The following GPR158 variants were observed in gnomAD, a reference collection of about 807,000 sequenced individuals.
GPR158 encodes the protein G protein-coupled receptor 158.
Under a neutral mutation model 78.2 loss-of-function variants are expected in GPR158, and 30 were observed. That is an observed-to-expected ratio of 0.38 (90% CI 0.29 to 0.52). The LOEUF (loss-of-function observed/expected upper bound fraction) is 0.52, where lower values mean the gene tolerates loss of function less well. Among genes scored for constraint, GPR158 ranks in the 20% least tolerant of loss-of-function variants. The pLI, the probability that GPR158 is intolerant of heterozygous loss-of-function variation, is 0.83. For missense variants in GPR158, 1,463 were observed against 1,523.5 expected, an observed-to-expected ratio of 0.96 and a Z score of 0.66; for synonymous variants, 581 against 591.1, an observed-to-expected ratio of 0.98 and a Z score of 0.25.
chr10:25,196,163 A>G (rs1044227240), intron 1 of GPR158, among the ~76,000 whole-genome samples: 3 of 151,966 alleles, frequency 2.0e-5, no homozygotes, highest in African/African-American at 4.8e-5. Flanking sequence ...TGTAACTCCT[A>G]CAGTTGAATA....
intron 2 of GPR158, among the ~76,000 whole-genome samples, chr10:25,263,296 T>C (rs1853993836): frequency 1.3e-5 from 2 of 152,210 alleles, no homozygotes; most frequent in Non-Finnish European, 2.9e-5. Context: ...CCTGCTTTTC[T>C]TTGTTGTATT....
rs1554793351 is a variant in GPR158 at position 25,317,716 on chromosome 10, G to GTTTTGTTTTTTT, written c.1009-78191_1009-78190insGTTTTTTTTTTT. 7.5e-4 allele frequency among the ~76,000 whole-genome samples: 101 copies of GTTTTGTTTTTTT among 134,044 alleles called. 5 individuals carry two copies. The highest frequency in any genetic ancestry group is 1.4e-3 in the African/African-American group (43 of 31,218). The allele number at this position is 134,044 out of a possible 152,430, so 87.9% of individuals were successfully genotyped here. A position where few individuals can be genotyped will look rare whatever the true frequency, so the allele number is the denominator to read the frequency against. ...TTAAATTCTGTTTTCTTCGTAAAGT[G>GTTTTGTTTTTTT]TTTTTTTTTGTTTTGTTTTGTTTTG... On this transcript the variant is annotated intron_variant, in intron 2 of 10. Transcript: ENST00000376351.
intron 2 of GPR158, among the ~76,000 whole-genome samples, chr10:25,325,560 A>G (rs1203552774): frequency 1.3e-5 from 2 of 152,166 alleles, no homozygotes; most frequent in Non-Finnish European, 2.9e-5. Flanking sequence ...GCTACTGTGA[A>G]TAATTCTGAA....
intron 7 of GPR158, among the ~76,000 whole-genome samples, chr10:25,578,581 T>C (rs4237374): frequency 0.22 from 33,103 of 152,194 alleles, 4,582 homozygotes; most frequent in Non-Finnish European, 0.31. Context: ...AATAGATTGG[T>C]ACAAATTTGC....
At chr10:25,313,183 A>G (rs1292916737) in intron 2 of GPR158, among the ~76,000 whole-genome samples, 1 of 144,864 alleles carries the variant, frequency 6.9e-6, no homozygotes, top group Non-Finnish European at 1.5e-5. Flanking sequence ...TGCCCACTAA[A>G]TAGGATGCTG....
chr10:25,270,747 A>G (rs957385504), intron 2 of GPR158, among the ~76,000 whole-genome samples: 1 of 152,014 alleles, frequency 6.6e-6, no homozygotes, highest in African/African-American at 2.4e-5. Flanking sequence ...ATCTCATACT[A>G]TTTTTGTCTA....
chr10:25,329,159 A>G (rs1410330280), intron 2 of GPR158, among the ~76,000 whole-genome samples: 3 of 151,716 alleles, frequency 2.0e-5, no homozygotes, highest in Non-Finnish European at 4.4e-5. Context: ...ATTTTAGGCC[A>G]GGCGCGGTGG....
chr10:25,334,357 T>C (rs944511650), intron 2 of GPR158, among the ~76,000 whole-genome samples: 2 of 152,098 alleles, frequency 1.3e-5, no homozygotes, highest in African/African-American at 4.8e-5. Flanking sequence ...ATTGAGAGCT[T>C]ATTCTGTTAT....
At chr10:25,309,792 T>C (rs1220560353) in intron 2 of GPR158, among the ~76,000 whole-genome samples, 2 of 152,162 alleles carry the variant, frequency 1.3e-5, no homozygotes, top group African/African-American at 2.4e-5. Flanking sequence ...CACTCTTTCT[T>C]TCCTGCCACC....
chr10:25,327,970 G>A (rs1250745253), intron 2 of GPR158, among the ~76,000 whole-genome samples: 1 of 152,096 alleles, frequency 6.6e-6, no homozygotes, highest in Admixed American at 6.6e-5. Flanking sequence ...TAACTTAATG[G>A]TTTGGTAGCT....
chr10:25,306,834 G>A (rs72794287), intron 2 of GPR158, among the ~76,000 whole-genome samples: 6,484 of 151,906 alleles, frequency 0.043, 149 homozygotes, highest in African/African-American at 0.052. Flanking sequence ...TTTTTCACCT[G>A]GTCTAATGAC....
chr10:25,299,735 C>A (rs1011801319), intron 2 of GPR158, among the ~76,000 whole-genome samples: 1 of 152,164 alleles, frequency 6.6e-6, no homozygotes, highest in Non-Finnish European at 1.5e-5. Flanking sequence ...TTCTTCAAAT[C>A]CTACTGATTT....
chr10:25,409,278 T>G (rs1250228811), intron 3 of GPR158, among the ~76,000 whole-genome samples: 3 of 152,230 alleles, frequency 2.0e-5, no homozygotes, highest in Non-Finnish European at 4.4e-5. Context: ...TCTGCATTTG[T>G]TTGTATGCTA....
At chr10:25,253,987 G>T (rs565312465) in intron 2 of GPR158, among the ~76,000 whole-genome samples, 17 of 152,254 alleles carry the variant, frequency 1.1e-4, no homozygotes, top group African/African-American at 3.8e-4. Flanking sequence ...AATTAGCATT[G>T]TTTAGTTTGC....
At chr10:25,365,891 CT>C (rs1488457445) in intron 2 of GPR158, among the ~76,000 whole-genome samples, 1 of 151,698 alleles carries the variant, frequency 6.6e-6, no homozygotes, top group Non-Finnish European at 1.5e-5. Context: ...ATCCTCCTCA[CT>C]GTTTCCCCAA....
At chr10:25,305,536 G>A (rs1854661347) in intron 2 of GPR158, among the ~76,000 whole-genome samples, 1 of 152,150 alleles carries the variant, frequency 6.6e-6, no homozygotes, top group South Asian at 2.1e-4. Flanking sequence ...TTTCATCCCA[G>A]TTTGGAAGTG....
intron 2 of GPR158, among the ~76,000 whole-genome samples, chr10:25,315,061 T>C (rs866480992): frequency 4.0e-5 from 6 of 151,814 alleles, no homozygotes; most frequent in Middle Eastern, 3.2e-3. Context: ...TGATAAAATT[T>C]TGTGAATGTT....
At chr10:25,254,796 CTT>C (rs1158808495) in intron 2 of GPR158, among the ~76,000 whole-genome samples, 1 of 152,132 alleles carries the variant, frequency 6.6e-6, no homozygotes, top group Non-Finnish European at 1.5e-5. Flanking sequence ...CTTGATTACT[CTT>C]TATTTCTAAA....
chr10:25,300,741 G>A (rs1301984224), intron 2 of GPR158, among the ~76,000 whole-genome samples: 1 of 152,130 alleles, frequency 6.6e-6, no homozygotes. Flanking sequence ...GAGGGTATAA[G>A]AAACCAGTTT....
Sources: allele counts gnomAD v4.1 joint callset (sites outside exome capture counted in the v4.1 genomes callset), GRCh38; gene constraint gnomAD v4.1.1; transcripts MANE v1.5; gene names NCBI Gene and HGNC (gene_info 2026-07-23, HGNC 2026-07-21).